The following ADAM22 variants were observed in gnomAD, a reference collection of about 807,000 sequenced individuals.
ADAM22 encodes the protein disintegrin and metalloproteinase domain-containing protein 22.
ADAM22 carries 65 observed loss-of-function variants against 144.6 expected under a neutral mutation model. The ratio of observed to expected loss-of-function variants is 0.45; its 90% CI spans 0.37 to 0.55. The LOEUF is 0.55. Ranked by LOEUF, ADAM22 falls within the 20% of genes least tolerant of loss-of-function variation. ADAM22 has a pLI of 0.00. For synonymous variants in ADAM22, 391 were observed against 412.6 expected (o/e 0.95, Z 0.63); for missense variants, 974 against 1,184.9 (o/e 0.82, Z 2.61).
chr7:88,008,986 G>T (rs1243240957), intron 3 of ADAM22, among the ~76,000 whole-genome samples: 1 of 151,930 alleles, frequency 6.6e-6, no homozygotes, highest in African/African-American at 2.4e-5. Flanking sequence ...TTTCCAGTTA[G>T]CATGGTTGTT....
At chr7:87,982,820 G>A (rs1023049141) in intron 3 of ADAM22, among the ~76,000 whole-genome samples, 5 of 149,594 alleles carry the variant, frequency 3.3e-5, no homozygotes, top group Admixed American at 6.7e-5. Context: ...TGAGCCTCCC[G>A]AGTAGCTGGA....
In ADAM22 at chr7:88,197,060, TTTTG is replaced by T. The variant is rs1850756076; in HGVS notation, c.*573_*576del. On this transcript the variant is annotated 3_prime_UTR_variant, in exon 32 of 32. Coordinates refer to ENST00000413139, the MANE Select transcript of ADAM22 (RefSeq NM_001324418.2). ...CTTTAAACATGTATTTTTATTTTTGTTTTGTTTTTTACTTTTCATATTTATATTA... is the reference window on the plus strand; with the variant it reads ...CTTTAAACATGTATTTTTATTTTTGTTTTTTTACTTTTCATATTTATATTA... The T allele has an allele frequency of 6.6e-6, 1 of 152,536 alleles. No individual in the cohort carries two copies. The highest frequency in any genetic ancestry group is 2.4e-5 in the African/African-American group (1 of 41,568). 9.4% of individuals were successfully genotyped at this position (152,536 alleles called of 1,614,324 possible).
chr7:88,137,256 G>C (rs1031636921), intron 14 of ADAM22, among the ~76,000 whole-genome samples: 8 of 152,034 alleles, frequency 5.3e-5, no homozygotes, highest in Non-Finnish European at 1.0e-4. Flanking sequence ...TACAATTCTT[G>C]TTCATTAAAT....
chr7:88,195,640 C>G lies in ADAM22; in HGVS notation c.2875-831C>G, dbSNP rs998464661. Among the ~76,000 whole-genome samples, 7 of 152,050 alleles carry G rather than the reference C, an allele frequency of 4.6e-5. No homozygotes were observed. In the South Asian group the frequency reaches 1.2e-3, roughly 27 times the overall value. On this transcript the variant is annotated intron_variant, in intron 31 of 31. Coordinates refer to ENST00000413139, the MANE Select transcript of ADAM22 (RefSeq NM_001324418.2). Reference sequence around the variant, plus strand: ...ACGCCATTCTCCTGCCTCAGCCTCCCGAGTAGCTGGGACTACAGGTGCCCG... The same window carrying G: ...ACGCCATTCTCCTGCCTCAGCCTCCGGAGTAGCTGGGACTACAGGTGCCCG...
At chr7:88,030,844 C>T (rs1449966361) in intron 3 of ADAM22, among the ~76,000 whole-genome samples, 5 of 152,174 alleles carry the variant, frequency 3.3e-5, no homozygotes, top group Admixed American at 1.3e-4. Context: ...CGGCCGGGCA[C>T]GGTGGCTCAT....
intron 24 of ADAM22, among the ~76,000 whole-genome samples, chr7:88,167,554 G>A (rs1402401657): frequency 6.6e-6 from 1 of 152,088 alleles, no homozygotes; most frequent in African/African-American, 2.4e-5. Context: ...TTCCTCTGGG[G>A]TTTCCTTCTC....
At chr7:88,181,417 A>G in intron 27 of ADAM22, 88 bp from the exon 28 acceptor site, 4 of 991,120 alleles carry the variant, frequency 4.0e-6, no homozygotes, top group Non-Finnish European at 6.2e-6. Flanking sequence ...TATTTAATGC[A>G]CAGTAATGCT....
chr7:88,136,556 C>G lies in ADAM22; in HGVS notation c.1220+525C>G, dbSNP rs558769946. On this transcript the variant is annotated intron_variant, in intron 14 of 31. Transcript: ENST00000413139. Reference sequence around the variant, plus strand: ...AGGTTTTCATTTTTATACTGTCCTCCCTTTCACACGCTCAGTCATCAATGC... The same window carrying G: ...AGGTTTTCATTTTTATACTGTCCTCGCTTTCACACGCTCAGTCATCAATGC... Among the ~76,000 whole-genome samples, 4 of 151,956 alleles carry G rather than the reference C, an allele frequency of 2.6e-5. No homozygotes were observed. The East Asian group carries it at 5.9e-4, about 22-fold the overall frequency.
At chr7:87,991,739 G>A (rs1453226381) in intron 3 of ADAM22, among the ~76,000 whole-genome samples, 1 of 152,110 alleles carries the variant, frequency 6.6e-6, no homozygotes. Context: ...TTGACTTTTG[G>A]GAGGATTGCT....
intron 3 of ADAM22, among the ~76,000 whole-genome samples, chr7:88,050,026 T>C (rs1387205149): frequency 1.3e-5 from 2 of 151,860 alleles, no homozygotes; most frequent in African/African-American, 4.8e-5. Flanking sequence ...GTTTAAAAAC[T>C]CTAACCTCAA....
chr7:88,088,419 G>T (rs1311725491), intron 4 of ADAM22, among the ~76,000 whole-genome samples: 1 of 150,592 alleles, frequency 6.6e-6, no homozygotes. Context: ...TTCTAAGTCA[G>T]ATTTCCATTT....
At chr7:87,985,052 G>A (rs979478402) in intron 3 of ADAM22, among the ~76,000 whole-genome samples, 6 of 150,444 alleles carry the variant, frequency 4.0e-5, no homozygotes, top group African/African-American at 9.8e-5. Flanking sequence ...GGTGGCTCAC[G>A]CGTGTAATCC....
chr7:88,004,161 G>A (rs1793252550), intron 3 of ADAM22, among the ~76,000 whole-genome samples: 1 of 152,214 alleles, frequency 6.6e-6, no homozygotes, highest in Non-Finnish European at 1.5e-5. Flanking sequence ...TCTTCAGGCA[G>A]TGGAGACCTG....
At chr7:88,013,271 C>T (rs1403057693) in intron 3 of ADAM22, among the ~76,000 whole-genome samples, 1 of 152,130 alleles carries the variant, frequency 6.6e-6, no homozygotes, top group Non-Finnish European at 1.5e-5. Flanking sequence ...TGACTCTGTT[C>T]TCTGATAGGT....
At chr7:88,172,988 T>C (rs114723410) in intron 26 of ADAM22, among the ~76,000 whole-genome samples, 41 of 152,080 alleles carry the variant, frequency 2.7e-4, no homozygotes, top group African/African-American at 8.9e-4. Context: ...CCACAGGAAC[T>C]AAGGCTATAA....
At chr7:88,040,455 C>T (rs1563084296) in intron 3 of ADAM22, among the ~76,000 whole-genome samples, 1 of 151,990 alleles carries the variant, frequency 6.6e-6, no homozygotes, top group East Asian at 1.9e-4. Context: ...TTAAACTCAT[C>T]AGCTTACTCC....
At chr7:88,122,806 G>T (rs997994805) in intron 7 of ADAM22, among the ~76,000 whole-genome samples, 2 of 152,158 alleles carry the variant, frequency 1.3e-5, no homozygotes, top group African/African-American at 4.8e-5. Context: ...GGCAAATGTT[G>T]ACCCTTTCTT....
intron 3 of ADAM22, among the ~76,000 whole-genome samples, chr7:88,048,380 A>G (rs910676116): frequency 2.6e-5 from 4 of 152,110 alleles, no homozygotes; most frequent in Non-Finnish European, 5.9e-5. Context: ...TAGGAGAGGC[A>G]TTTTGGTGAC....
intron 24 of ADAM22, 112 bp from the exon 25 acceptor site, chr7:88,168,025 C>T: frequency 5.0e-6 from 4 of 803,518 alleles, no homozygotes; most frequent in Non-Finnish European, 7.8e-6. Context: ...GAAAAATACT[C>T]ATTTTTGAAA....
Sources: gnomAD v4.1 joint callset for allele counts (sites outside exome capture counted in the v4.1 genomes callset) on GRCh38, gnomAD v4.1.1 for gene constraint, MANE v1.5 for transcripts, NCBI Gene and HGNC (gene_info 2026-07-23, HGNC 2026-07-21) for gene names.